GRIP1: variants seen among roughly 807,000 people sequenced by gnomAD.
GRIP1 encodes glutamate receptor interacting protein 1, also known as glutamate receptor-interacting protein 1.
In GRIP1, 45 loss-of-function variants were observed where a neutral mutation model predicts 129.9. The ratio of observed to expected loss-of-function variants is 0.35; its 90% CI spans 0.27 to 0.44. GRIP1 has a LOEUF of 0.44. GRIP1 is among the 20% of genes least tolerant of loss of function. The pLI is 1.00. For missense variants in GRIP1, 1,196 were observed against 1,396.8 expected, an observed-to-expected ratio of 0.86 and a Z score of 2.29; for synonymous variants, 530 against 520.8, an observed-to-expected ratio of 1.02 and a Z score of -0.24.
intron 1 of GRIP1, among the ~76,000 whole-genome samples, chr12:66,993,809 T>G (rs940441572): frequency 1.5e-4 from 18 of 117,912 alleles, no homozygotes; most frequent in African/African-American, 5.1e-4. Flanking sequence ...AAAAAAAAAA[T>G]CAAGACTGAA....
At chr12:66,874,607 G>C (rs1015557626) in intron 1 of GRIP1, among the ~76,000 whole-genome samples, 6 of 152,076 alleles carry the variant, frequency 3.9e-5, no homozygotes, top group African/African-American at 1.4e-4. Context: ...AAGGCGAAGG[G>C]AGAGCTAGCA....
intron 1 of GRIP1, among the ~76,000 whole-genome samples, chr12:66,637,797 G>C (rs977494791): frequency 2.6e-5 from 4 of 152,252 alleles, no homozygotes; most frequent in Non-Finnish European, 4.4e-5. Context: ...GCAGGAGAGA[G>C]AGAAATGGAA....
chr12:67,047,785 GT>G (rs1377392928), intron 1 of GRIP1, among the ~76,000 whole-genome samples: 1 of 152,162 alleles, frequency 6.6e-6, no homozygotes, highest in Admixed American at 6.6e-5. Context: ...TTGGGATCAA[GT>G]TCCAGAAGTT....
At chr12:66,991,470 G>A (rs2042393590) in intron 1 of GRIP1, among the ~76,000 whole-genome samples, 1 of 152,090 alleles carries the variant, frequency 6.6e-6, no homozygotes, top group African/African-American at 2.4e-5. Context: ...AGCTGAGTAA[G>A]GAAAAATCAA....
At chr12:66,867,450 G>C (rs2037051057) in intron 1 of GRIP1, among the ~76,000 whole-genome samples, 1 of 152,116 alleles carries the variant, frequency 6.6e-6, no homozygotes. Context: ...GCTTCTAGGA[G>C]TTGTCATTAG....
intron 7 of GRIP1, among the ~76,000 whole-genome samples, chr12:66,486,654 G>A (rs1340062827): frequency 6.6e-6 from 1 of 152,140 alleles, no homozygotes; most frequent in East Asian, 1.9e-4. Context: ...CACCATGATT[G>A]TAAGGCTTCC....
At chr12:66,440,930 C>G (rs2058454854) in intron 13 of GRIP1, among the ~76,000 whole-genome samples, 1 of 152,158 alleles carries the variant, frequency 6.6e-6, no homozygotes, top group Non-Finnish European at 1.5e-5. Context: ...TAAGTAAATG[C>G]AGAAGTTCTC....
intron 7 of GRIP1, among the ~76,000 whole-genome samples, chr12:66,497,079 A>G (rs183216007): frequency 3.3e-5 from 5 of 152,298 alleles, no homozygotes; most frequent in South Asian, 2.1e-4. Context: ...TCAGATAACA[A>G]GTATTTAACA....
chr12:66,904,717 C>G (rs192917643), intron 1 of GRIP1, among the ~76,000 whole-genome samples: 1 of 152,150 alleles, frequency 6.6e-6, no homozygotes, highest in East Asian at 1.9e-4. Context: ...GTGGTGAAAC[C>G]TCATCTTCTA....
chr12:66,796,147 A>C (rs144363896), intron 1 of GRIP1, among the ~76,000 whole-genome samples: 77 of 152,164 alleles, frequency 5.1e-4, no homozygotes, highest in African/African-American at 1.8e-3. Flanking sequence ...CCTCTATGTG[A>C]ATAGCAACAG....
At chr12:66,662,427 A>G (rs1327017681) in intron 1 of GRIP1, among the ~76,000 whole-genome samples, 4 of 152,166 alleles carry the variant, frequency 2.6e-5, no homozygotes, top group African/African-American at 9.7e-5. Context: ...ATCTTTTTAT[A>G]GTATCATATT....
intron 20 of GRIP1, among the ~76,000 whole-genome samples, chr12:66,378,833 G>A (rs969549089): frequency 1.3e-5 from 2 of 152,104 alleles, no homozygotes; most frequent in Non-Finnish European, 2.9e-5. Flanking sequence ...TATAATCCCA[G>A]CTACTCAGGA....
At chr12:67,017,844 G>A (rs966227466) in intron 1 of GRIP1, among the ~76,000 whole-genome samples, 2 of 152,202 alleles carry the variant, frequency 1.3e-5, no homozygotes, top group Non-Finnish European at 2.9e-5. Context: ...AGCCATTGGG[G>A]CTTTTTTGGC....
intron 1 of GRIP1, among the ~76,000 whole-genome samples, chr12:66,745,579 T>C (rs1381176046): frequency 6.6e-6 from 1 of 152,062 alleles, no homozygotes; most frequent in African/African-American, 2.4e-5. Flanking sequence ...ATAAATGCTG[T>C]AGGAGAATTA....
chr12:66,560,113 C>T (rs1565861331), intron 2 of GRIP1, among the ~76,000 whole-genome samples: 1 of 151,998 alleles, frequency 6.6e-6, no homozygotes, highest in Non-Finnish European at 1.5e-5. Flanking sequence ...ACTAGATATC[C>T]ATATGCAGAA....
chr12:66,765,916 A>ATT (rs1184114349), intron 1 of GRIP1, among the ~76,000 whole-genome samples: 1 of 152,194 alleles, frequency 6.6e-6, no homozygotes, highest in Non-Finnish European at 1.5e-5. Flanking sequence ...GACTGCAGAC[A>ATT]TAGGATGTCC....
intron 2 of GRIP1, among the ~76,000 whole-genome samples, chr12:66,582,745 T>C (rs1027489572): frequency 3.4e-5 from 5 of 145,154 alleles, no homozygotes; most frequent in Admixed American, 1.4e-4. Flanking sequence ...CACTGCTCAA[T>C]GAAATAAAAG....
chr12:66,639,668 T>C (rs2031748654), intron 1 of GRIP1, among the ~76,000 whole-genome samples: 1 of 152,238 alleles, frequency 6.6e-6, no homozygotes, highest in Admixed American at 6.5e-5. Context: ...GAACTATCAT[T>C]GCATTCTTAG....
At chr12:66,593,397 TA>T (rs2063916488) in intron 2 of GRIP1, among the ~76,000 whole-genome samples, 1 of 152,180 alleles carries the variant, frequency 6.6e-6, no homozygotes, top group Non-Finnish European at 1.5e-5. Context: ...TTGACATGAA[TA>T]AAAACAAATT....
Sources: allele counts gnomAD v4.1 joint callset (sites outside exome capture counted in the v4.1 genomes callset), GRCh38; gene constraint gnomAD v4.1.1; transcripts MANE v1.5; gene names NCBI Gene and HGNC (gene_info 2026-07-23, HGNC 2026-07-21).